Variants in IQCM observed in about 807,000 individuals in gnomAD.
IQCM encodes IQ motif containing M.
IQCM carries 45 observed loss-of-function variants against 57.6 expected under a neutral mutation model. The observed-to-expected ratio is 0.78, with a 90% CI of 0.62 to 1.00. The LOEUF (loss-of-function observed/expected upper bound fraction) is 1.00. Among genes scored for constraint, IQCM ranks in the 50% least tolerant of loss-of-function variants. The pLI, the probability that IQCM is intolerant of heterozygous loss-of-function variation, is 0.00. For synonymous variants in IQCM, 148 were observed against 158.9 expected (o/e 0.93, Z 0.51); for missense variants, 468 against 511.6 (o/e 0.91, Z 0.82).
intron 2 of IQCM, among the ~76,000 whole-genome samples, chr4:149,778,114 C>T (rs1464142642): frequency 4.6e-5 from 7 of 152,214 alleles, no homozygotes; most frequent in African/African-American, 1.2e-4. Context: ...CGGTGGCTCA[C>T]GCCTGTAATC....
chr4:149,637,793 G>T (rs1214220020), intron 7 of IQCM, among the ~76,000 whole-genome samples: 2 of 152,206 alleles, frequency 1.3e-5, no homozygotes, highest in East Asian at 3.9e-4. Context: ...TCAACAAATG[G>T]TACTATCTTA....
chr4:149,694,934 C>A (rs1302396486), intron 5 of IQCM, among the ~76,000 whole-genome samples: 1 of 152,030 alleles, frequency 6.6e-6, no homozygotes, highest in Non-Finnish European at 1.5e-5. Context: ...CTTTTTAAGA[C>A]CCACTATTTA....
intron 12 of IQCM, among the ~76,000 whole-genome samples, chr4:149,495,254 T>C (rs1222057855): frequency 6.6e-6 from 1 of 152,144 alleles, no homozygotes; most frequent in Non-Finnish European, 1.5e-5. Flanking sequence ...CTAGATCTAC[T>C]GTGACACAGA....
At chr4:149,555,488 C>T (rs1207075742) in intron 10 of IQCM, among the ~76,000 whole-genome samples, 1 of 152,104 alleles carries the variant, frequency 6.6e-6, no homozygotes. Context: ...ACTGTAGTAC[C>T]AATATACATT....
At chr4:149,540,652 C>T (rs1747762023) in intron 12 of IQCM, among the ~76,000 whole-genome samples, 1 of 152,004 alleles carries the variant, frequency 6.6e-6, no homozygotes, top group African/African-American at 2.4e-5. Flanking sequence ...CTGCGATTTG[C>T]ACCAGCAACA....
intron 10 of IQCM, among the ~76,000 whole-genome samples, chr4:149,559,438 G>C (rs945165596): frequency 1.3e-5 from 2 of 152,104 alleles, no homozygotes; most frequent in African/African-American, 2.4e-5. Flanking sequence ...TAAGCTCATT[G>C]ATATTGTCTT....
At chr4:149,684,140 T>A (rs575522891) in intron 6 of IQCM, among the ~76,000 whole-genome samples, 1 of 151,460 alleles carries the variant, frequency 6.6e-6, no homozygotes, top group Non-Finnish European at 1.5e-5. Context: ...TGAACCCATA[T>A]CTATCATCAT....
At chr4:149,781,052 C>A (rs1413028481) in intron 2 of IQCM, among the ~76,000 whole-genome samples, 1 of 151,890 alleles carries the variant, frequency 6.6e-6, no homozygotes, top group Admixed American at 6.5e-5. Context: ...TCATTAAATA[C>A]ATAAAAGAAG....
chr4:149,402,967 A>G (rs1385924679), intron 13 of IQCM, among the ~76,000 whole-genome samples: 1 of 151,884 alleles, frequency 6.6e-6, no homozygotes, highest in Non-Finnish European at 1.5e-5. Flanking sequence ...CCAATTCAGC[A>G]TGGTACTTGC....
intron 2 of IQCM, among the ~76,000 whole-genome samples, chr4:149,802,456 A>T (rs1452362234): frequency 1.3e-5 from 2 of 152,014 alleles, no homozygotes; most frequent in Non-Finnish European, 2.9e-5. Flanking sequence ...TCAGTGATGT[A>T]CAGCCAATCA....
chr4:149,493,009 A>G (rs1742256781), intron 12 of IQCM, among the ~76,000 whole-genome samples: 1 of 152,048 alleles, frequency 6.6e-6, no homozygotes, highest in African/African-American at 2.4e-5. Flanking sequence ...GCCAAAATAA[A>G]CTACCTGAAC....
At chr4:149,771,341 T>C (rs1166217728) in intron 2 of IQCM, among the ~76,000 whole-genome samples, 2 of 152,078 alleles carry the variant, frequency 1.3e-5, no homozygotes, top group African/African-American at 2.4e-5. Context: ...CCAAGTCATA[T>C]ATAGGCAAAA....
At chr4:149,814,340 T>C (rs952365678) in intron 2 of IQCM, among the ~76,000 whole-genome samples, 1 of 152,006 alleles carries the variant, frequency 6.6e-6, no homozygotes, top group African/African-American at 2.4e-5. Flanking sequence ...GCCTGTAACT[T>C]CCTCCCCTTG....
intron 2 of IQCM, among the ~76,000 whole-genome samples, chr4:149,758,655 A>G (rs548307062): frequency 1.1e-3 from 160 of 151,970 alleles, no homozygotes; most frequent in African/African-American, 3.7e-3. Context: ...TGACTTTTAA[A>G]TGGGCCAAAT....
At chr4:149,686,120 T>C (rs922091441) in intron 6 of IQCM, among the ~76,000 whole-genome samples, 7 of 151,466 alleles carry the variant, frequency 4.6e-5, no homozygotes, top group African/African-American at 1.7e-4. Context: ...AAGCCACAAA[T>C]TGGATTCAAG....
chr4:149,417,491 T>C (rs1198876715), intron 13 of IQCM, among the ~76,000 whole-genome samples: 1 of 152,150 alleles, frequency 6.6e-6, no homozygotes, highest in Non-Finnish European at 1.5e-5. Context: ...CCTGAACATA[T>C]TTCTGGGTGT....
intron 13 of IQCM, among the ~76,000 whole-genome samples, chr4:149,371,618 G>A (rs570824321): frequency 1.3e-5 from 2 of 152,184 alleles, no homozygotes; most frequent in East Asian, 1.9e-4. Flanking sequence ...CGGATTTTGC[G>A]ATGAAAACTA....
At chr4:149,563,911 T>C in intron 9 of IQCM, 21 bp from the exon 10 acceptor site, 1 of 1,106,886 alleles carries the variant, frequency 9.0e-7, no homozygotes, top group Non-Finnish European at 1.1e-6. Flanking sequence ...AACAAATTTC[T>C]TATTATACAT....
chr4:149,454,611 CTAAAA>C (rs981766942), intron 12 of IQCM, among the ~76,000 whole-genome samples: 1 of 151,804 alleles, frequency 6.6e-6, no homozygotes, highest in Non-Finnish European at 1.5e-5. Context: ...TCCTCTGAAA[CTAAAA>C]TAAAAGGTTT....
Sources: allele counts gnomAD v4.1 joint callset (sites outside exome capture counted in the v4.1 genomes callset), GRCh38; gene constraint gnomAD v4.1.1; transcripts MANE v1.5; gene names NCBI Gene and HGNC (gene_info 2026-07-23, HGNC 2026-07-21).